Variants in F2 observed in about 807,000 individuals in gnomAD.
The protein encoded by F2 is coagulation factor II, thrombin.
F2 carries 34 observed loss-of-function variants against 81.9 expected under a neutral mutation model. The ratio of observed to expected loss-of-function variants is 0.42; its 90% confidence interval spans 0.32 to 0.55. F2 has a LOEUF of 0.55. Ranked by LOEUF, F2 falls within the 20% of genes least tolerant of loss-of-function variation. The pLI is 0.18. For missense variants in F2, 630 were observed against 833.4 expected, an observed-to-expected ratio of 0.76 and a Z score of 3.00; for synonymous variants, 296 against 326.4, an observed-to-expected ratio of 0.91 and a Z score of 1.01.
At chr11:46,722,350 G>A (rs538111368) in intron 4 of F2, among the ~76,000 whole-genome samples, 97 of 152,268 alleles carry the variant, frequency 6.4e-4, no homozygotes, top group Admixed American at 1.2e-3. Context: ...CTAGCACTTT[G>A]GGAGCTGAGG....
chr11:46,720,374 C>G (rs147886868), intron 2 of F2, 149 bp from the exon 3 acceptor site: 1 of 843,532 alleles, frequency 1.2e-6, no homozygotes, highest in Non-Finnish European at 2.0e-6. Flanking sequence ...CTTTTGGAAA[C>G]AAAAGTAGGA....
At chr11:46,730,801 C>CATATATATATATATATATATATAT (rs1555157927) in intron 12 of F2, among the ~76,000 whole-genome samples, 11 of 135,508 alleles carry the variant, frequency 8.1e-5, no homozygotes, top group Non-Finnish European at 1.3e-4. Flanking sequence ...TATATATATG[C>CATATATATATATATATATATATAT]ATAGTTTGAG....
chr11:46,728,516 C>CT lies in F2; in HGVS notation c.1299-148_1299-147insT. 1 of 890,714 alleles carries CT rather than the reference C, an allele frequency of 1.1e-6. No individual in the cohort carries two copies. The highest frequency in any genetic ancestry group is 2.6e-5 in the East Asian group (1 of 38,494). 55.2% of individuals were successfully genotyped at this position (890,714 alleles called of 1,614,324 possible). ...GGCTTTAGGCCCAGGAAGAAACACC[C>CT]AGGGGGCTGCCATGGCAGGAACCAG... On this transcript the variant is annotated intron_variant, in intron 10 of 13. Transcript: ENST00000311907. This position sits in a 1 kb window ranked among gnomAD's most constrained non-coding sequence, Gnocchi z 5.1.
At chr11:46,729,179 C>T (rs1258805363) in intron 11 of F2, among the ~76,000 whole-genome samples, 1 of 152,022 alleles carries the variant, frequency 6.6e-6, no homozygotes, top group Non-Finnish European at 1.5e-5. Flanking sequence ...TGGGTTTCAC[C>T]GTGTCGGCCA....
At chr11:46,727,490 G>A (rs1406982713) in intron 9 of F2, among the ~76,000 whole-genome samples, 2 of 152,074 alleles carry the variant, frequency 1.3e-5, no homozygotes, top group Non-Finnish European at 2.9e-5. Flanking sequence ...CAAAAAGCAG[G>A]AGGCAGGTCA....
chr11:46,735,244 A>G (rs1409935598), intron 12 of F2, among the ~76,000 whole-genome samples: 1 of 151,906 alleles, frequency 6.6e-6, no homozygotes, highest in Non-Finnish European at 1.5e-5. Context: ...GATAGAGACC[A>G]TCCTGGCCAA....
At chr11:46,736,264 T>C (rs1175241483) in intron 12 of F2, among the ~76,000 whole-genome samples, 1 of 152,188 alleles carries the variant, frequency 6.6e-6, no homozygotes, top group African/African-American at 2.4e-5. Flanking sequence ...CTTTATCACA[T>C]TCTAGATTGT....
At position 46,723,067 on chromosome 11, in the gene F2, A is replaced by C; in HGVS notation, c.317-113A>C. 1 of 877,018 alleles carries C rather than the reference A, an allele frequency of 1.1e-6. No homozygotes were observed. Among genetic ancestry groups the C allele is most frequent in the African/African-American group, 1.6e-5 (1 of 61,170 alleles). 54.3% of individuals were successfully genotyped at this position (877,018 alleles called of 1,614,324 possible). A position where few individuals can be genotyped will look rare whatever the true frequency, so the allele number is the denominator to read the frequency against. ...AGAGGAAGAGGGGCTGGGTGAATGC[A>C]GGTTCAGGATTGTGGACCTGCATGA... On this transcript the variant is annotated intron_variant, in intron 4 of 13. Transcript: ENST00000311907. The surrounding 1 kb of genome is among the most constrained non-coding windows in gnomAD (Gnocchi z 5.6).
Position 46,723,353 on chromosome 11 carries a change from G to C in F2, c.423-29G>C. On this transcript the variant is annotated intron_variant, in intron 5 of 13. Coordinates refer to ENST00000311907, the MANE Select transcript of F2 (RefSeq NM_000506.5). The surrounding 1 kb of genome is among the most constrained non-coding windows in gnomAD (Gnocchi z 5.6). Reference sequence around the variant, plus strand: ...GAGCAAGCGTACCTCAAGCCCAACAGCCTCCTGTTGGGCAATTTCCTGTTC... The same window carrying C: ...GAGCAAGCGTACCTCAAGCCCAACACCCTCCTGTTGGGCAATTTCCTGTTC... 1.2e-6 allele frequency: 2 copies of C among 1,613,496 alleles called. No individual in the cohort carries two copies. The highest frequency in any genetic ancestry group is 1.7e-6 in the Non-Finnish European group (2 of 1,179,426).
Position 46,723,561 on chromosome 11 carries a change from G to C in F2, c.559+43G>C. On this transcript the variant is annotated intron_variant, in intron 6 of 13. Transcript: ENST00000311907. The surrounding 1 kb of genome is among the most constrained non-coding windows in gnomAD (Gnocchi z 5.6). ...GGGCGGCCCATGGCCAAGGCCCGGG[G>C]GCTTCATGGGGCCTGGCAGCCTGGG... 1.3e-6 allele frequency: 2 copies of C among 1,573,794 alleles called. No homozygotes were observed. The highest frequency in any genetic ancestry group is 1.7e-6 in the Non-Finnish European group (2 of 1,158,120).
Position 46,726,829 on chromosome 11 carries a change from G to C in F2, c.1122G>C (p.Met374Ile), listed in dbSNP as rs766900359. ...IVEGSDAEIG[M>I]SPWQVMLFRK... ...AGGGCTCGGATGCAGAGATCGGCAT[G>C]TCACCTTGGTGTGTCCTGGAGCCCT... Residue 374 changes from methionine to isoleucine, a missense_variant, in exon 9 of 14, where the codon ATG becomes ATC. By Grantham distance (10) the Met-to-Ile change is conservative (BLOSUM62 1). Transcript: ENST00000311907. The surrounding 1 kb of genome is among the most constrained non-coding windows in gnomAD (Gnocchi z 5.9). The C allele has an allele frequency of 6.2e-7, 1 of 1,614,114 alleles. No individual in the cohort carries two copies. Among genetic ancestry groups the C allele is most frequent in the South Asian group, 1.1e-5 (1 of 91,086 alleles).
chr11:46,731,011 G>C (rs189784662), intron 12 of F2, among the ~76,000 whole-genome samples: 12 of 152,082 alleles, frequency 7.9e-5, no homozygotes, highest in African/African-American at 2.9e-4. Flanking sequence ...CCTGCTCCCA[G>C]GTTCAAGTGA....
chr11:46,729,660 T>A, intron 12 of F2, 99 bp downstream of exon 12: 1 of 1,395,474 alleles, frequency 7.2e-7, no homozygotes, highest in Non-Finnish European at 9.9e-7. Flanking sequence ...GCAAGTTGCC[T>A]AACCTCTTGG....
chr11:46,726,129 C>T lies in F2; in HGVS notation c.830C>T (p.Ala277Val). 6.2e-7 allele frequency: 1 copy of T among 1,614,108 alleles called. No individual in the cohort carries two copies. The highest frequency in any genetic ancestry group is 8.5e-7 in the Non-Finnish European group (1 of 1,180,028). ...GDEEGVWCYV[A>V]GKPGDFGYCD... ...GAGGAGGGCGTGTGGTGCTATGTGG[C>T]CGGGAAGCCTGGCGACTTTGGGTAC... Residue 277 changes from alanine to valine, a missense_variant, in exon 7 of 14, where the codon GCC becomes GTC. Coordinates refer to ENST00000311907, the MANE Select transcript of F2 (RefSeq NM_000506.5). The surrounding 1 kb of genome is among the most constrained non-coding windows in gnomAD (Gnocchi z 5.9).
At chr11:46,733,022 A>G (rs1276179026) in intron 12 of F2, among the ~76,000 whole-genome samples, 8 of 152,152 alleles carry the variant, frequency 5.3e-5, no homozygotes, top group Non-Finnish European at 1.0e-4. Flanking sequence ...AAAAAATTAT[A>G]TGATGCATAT....
chr11:46,719,549 G>C lies in F2; in HGVS notation c.80-153G>C, dbSNP rs1157588119. ...GGGCAGTGTAGGAGGGGCACAGGGG[G>C]CCACATTTAGCAGCCTTCCAGGCAC... On this transcript the variant is annotated intron_variant, in intron 1 of 13. Transcript: ENST00000311907. The surrounding 1 kb of genome is among the most constrained non-coding windows in gnomAD (Gnocchi z 4.7). 3 of 1,065,276 alleles carry C rather than the reference G, an allele frequency of 2.8e-6. No homozygotes were observed. The highest frequency in any genetic ancestry group is 4.1e-6 in the Non-Finnish European group (3 of 728,260). The allele number at this position is 1,065,276 out of a possible 1,614,324, so 66.0% of individuals were successfully genotyped here. A position where few individuals can be genotyped will look rare whatever the true frequency, so the allele number is the denominator to read the frequency against.
intron 12 of F2, among the ~76,000 whole-genome samples, chr11:46,738,192 G>T (rs1295230253): frequency 6.6e-6 from 1 of 152,012 alleles, no homozygotes; most frequent in Non-Finnish European, 1.5e-5. Context: ...GTAGAGACAG[G>T]GTTTCACCAC....
chr11:46,728,570 A>G lies in F2; in HGVS notation c.1299-94A>G. 2 of 1,416,938 alleles carry G rather than the reference A, an allele frequency of 1.4e-6. No homozygotes were observed. Among genetic ancestry groups the G allele is most frequent in the South Asian group, 2.3e-5 (2 of 85,248 alleles). 87.8% of individuals were successfully genotyped at this position (1,416,938 alleles called of 1,614,324 possible). A position where few individuals can be genotyped will look rare whatever the true frequency, so the allele number is the denominator to read the frequency against. On this transcript the variant is annotated intron_variant, in intron 10 of 13. Transcript: ENST00000311907. This position sits in a 1 kb window ranked among gnomAD's most constrained non-coding sequence, Gnocchi z 5.1. The stretch of plus-strand genomic sequence containing the variant: ...TATCCCCTCCCTGGTGGCCTGCAGG[A>G]CACACTGTCTCCCAGACCCCAAGGG...
Position 46,739,281 on chromosome 11 carries a change from G to A in F2, c.1742G>A (p.Arg581His), listed in dbSNP as rs1292680722. 8 of 1,613,968 alleles carry A rather than the reference G, an allele frequency of 5.0e-6. No homozygotes were observed. Among genetic ancestry groups the A allele is most frequent in the Admixed American group, 3.3e-5 (2 of 59,982 alleles). ...PFVMKSPFNNRWYQMGIVSWG... is the reference protein window; with the variant it reads ...PFVMKSPFNNHWYQMGIVSWG... ...CTTCTTCAGAGCCCCTTTAACAACC[G>A]CTGGTATCAAATGGGCATCGTCTCA... is the stretch of plus-strand genomic sequence containing the variant. The change falls in exon 14 of 14, where the codon CGC (arginine) becomes CAC (histidine). Residue 581 changes from arginine to histidine, a missense_variant. Arg to His is a conservative substitution (Grantham distance 29). Coordinates refer to ENST00000311907, the MANE Select transcript of F2 (RefSeq NM_000506.5).
Sources: allele counts gnomAD v4.1 joint callset (sites outside exome capture counted in the v4.1 genomes callset), GRCh38; gene constraint gnomAD v4.1.1; non-coding constraint Gnocchi (gnomAD v3.1); transcripts MANE v1.5; gene names NCBI Gene and HGNC (gene_info 2026-07-23, HGNC 2026-07-21).